Variants in PTPRD observed in about 807,000 individuals in gnomAD.
PTPRD encodes the protein protein tyrosine phosphatase receptor type D, also known as receptor-type tyrosine-protein phosphatase delta.
A neutral mutation model predicts 214.5 loss-of-function variants in PTPRD; 34 were observed. That is an observed-to-expected ratio of 0.16 (90% CI 0.12 to 0.21). The LOEUF (loss-of-function observed/expected upper bound fraction) is 0.21. Among genes scored for constraint, PTPRD ranks in the 10% least tolerant of loss-of-function variants. PTPRD has a pLI of 1.00. For synonymous variants in PTPRD, 1,128 were observed against 845.7 expected (o/e 1.33, Z -5.79); for missense variants, 2,545 against 2,398.7 (o/e 1.06, Z -1.27).
intron 9 of PTPRD, among the ~76,000 whole-genome samples, chr9:9,265,975 C>T (rs756062090): frequency 2.6e-5 from 4 of 151,218 alleles, no homozygotes; most frequent in Admixed American, 6.6e-5. Context: ...AATTATATGC[C>T]GTCTGTAAGA....
Position 8,818,966 on chromosome 9 carries a change from A to AC in PTPRD, c.-103-85021dup, listed in dbSNP as rs1198535521. 9.8e-5 allele frequency among the ~76,000 whole-genome samples: 15 copies of AC among 152,308 alleles called. No individual in the cohort carries two copies. In the East Asian group the frequency reaches 2.9e-3, roughly 29 times the overall value. On this transcript the variant is annotated intron_variant, in intron 11 of 45. Coordinates refer to ENST00000381196, the MANE Select transcript of PTPRD (RefSeq NM_002839.4). ...TAACTAACCAGGAAAACGACATAGC[A>AC]CTCTAGTCCACTACTAGTTGCAATG...
At chr9:8,479,789 T>C (rs1185039181) in intron 30 of PTPRD, among the ~76,000 whole-genome samples, 1 of 152,140 alleles carries the variant, frequency 6.6e-6, no homozygotes, top group Non-Finnish European at 1.5e-5. Context: ...ACTATACTAT[T>C]TTCCTCTTTC....
chr9:10,140,426 G>C (rs929716419), intron 3 of PTPRD, among the ~76,000 whole-genome samples: 5 of 151,670 alleles, frequency 3.3e-5, no homozygotes, highest in Non-Finnish European at 5.9e-5. Context: ...TATCACCACC[G>C]ATCCCACAGA....
intron 10 of PTPRD, among the ~76,000 whole-genome samples, chr9:9,161,388 C>T (rs1358778231): frequency 6.6e-6 from 1 of 152,020 alleles, no homozygotes; most frequent in Non-Finnish European, 1.5e-5. Context: ...TCTAACTCTT[C>T]TTTTTCATAT....
chr9:8,978,557 C>G (rs757811229), intron 11 of PTPRD, among the ~76,000 whole-genome samples: 2 of 152,084 alleles, frequency 1.3e-5, no homozygotes, highest in Non-Finnish European at 2.9e-5. Context: ...TCAGAGTTAG[C>G]TGGTGAAATG....
At chr9:9,873,620 T>C (rs2153720525) in intron 5 of PTPRD, among the ~76,000 whole-genome samples, 1 of 152,304 alleles carries the variant, frequency 6.6e-6, no homozygotes, top group Non-Finnish European at 1.5e-5. Context: ...GCCATGCCTA[T>C]AGTTATCTAA....
chr9:9,101,105 G>C (rs1266048575), intron 10 of PTPRD, among the ~76,000 whole-genome samples: 1 of 42,034 alleles, frequency 2.4e-5, no homozygotes, highest in Non-Finnish European at 8.4e-5. Flanking sequence ...GTAAAACAGA[G>C]AGAGAGAGAG....
chr9:9,930,473 G>C (rs1486624873), intron 5 of PTPRD, among the ~76,000 whole-genome samples: 3 of 152,094 alleles, frequency 2.0e-5, no homozygotes, highest in African/African-American at 7.2e-5. Context: ...TTGTATGTTT[G>C]AGTTTTCAAA....
At chr9:9,033,976 C>T (rs945336746) in intron 10 of PTPRD, among the ~76,000 whole-genome samples, 4 of 152,112 alleles carry the variant, frequency 2.6e-5, no homozygotes, top group African/African-American at 7.2e-5. Flanking sequence ...ATAAAAACTG[C>T]AGAACAGTGC....
chr9:9,109,679 CAAG>C (rs1428736498), intron 10 of PTPRD, among the ~76,000 whole-genome samples: 1 of 152,074 alleles, frequency 6.6e-6, no homozygotes, highest in African/African-American at 2.4e-5. Context: ...GAAATATTTG[CAAG>C]AAGGTTTGAG....
intron 9 of PTPRD, among the ~76,000 whole-genome samples, chr9:9,242,098 T>G (rs1483496241): frequency 2.6e-5 from 4 of 152,104 alleles, no homozygotes; most frequent in Non-Finnish European, 4.4e-5. Context: ...TCTCCTTCAC[T>G]TATGAAGCTT....
chr9:9,684,542 A>G (rs1288184514), intron 7 of PTPRD, among the ~76,000 whole-genome samples: 1 of 151,712 alleles, frequency 6.6e-6, no homozygotes. Flanking sequence ...TTTAGCTGGT[A>G]ATTGAGTAAT....
In PTPRD at chr9:9,601,153, G is replaced by GAGA. The variant is rs200355226; in HGVS notation, c.-286-26373_-286-26372insTCT. 1.2e-3 allele frequency among the ~76,000 whole-genome samples: 110 copies of GAGA among 94,090 alleles called. 1 individual carries two copies. The highest frequency in any genetic ancestry group is 4.1e-3 in the African/African-American group (109 of 26,410). The allele number at this position is 94,090 out of a possible 152,430, so 61.7% of individuals were successfully genotyped here. ...TGTGTGTGTGTGTGTGTGTGTGTAT[G>GAGA]GGGGGGGGAGAGTGGGGAGAGAGAG... is the stretch of plus-strand genomic sequence containing the variant. On this transcript the variant is annotated intron_variant, in intron 7 of 45. Transcript: ENST00000381196.
chr9:8,335,430 C>G (rs1228911440), intron 43 of PTPRD, among the ~76,000 whole-genome samples: 1 of 152,250 alleles, frequency 6.6e-6, no homozygotes, highest in South Asian at 2.1e-4. Flanking sequence ...AGGCCTTTGG[C>G]AAAATTCAAC....
intron 10 of PTPRD, among the ~76,000 whole-genome samples, chr9:9,120,913 C>T (rs1383076104): frequency 6.6e-6 from 1 of 152,178 alleles, no homozygotes; most frequent in African/African-American, 2.4e-5. Flanking sequence ...TAAGAACTAT[C>T]ACTTTCTCAT....
chr9:10,448,766 C>A (rs73390313), intron 2 of PTPRD, among the ~76,000 whole-genome samples: 1,550 of 152,062 alleles, frequency 0.01, 39 homozygotes, highest in African/African-American at 0.03. Context: ...TTCTCCCAGC[C>A]CAATGCTCTG....
At chr9:10,308,848 T>C (rs184854538) in intron 3 of PTPRD, among the ~76,000 whole-genome samples, 30 of 152,194 alleles carry the variant, frequency 2.0e-4, no homozygotes, top group African/African-American at 6.7e-4. Context: ...CAGAATTGTG[T>C]TAACCGGTTT....
rs35460717 is a variant in PTPRD at position 8,655,419 on chromosome 9, T to C, written c.65-18575A>G. Reference sequence around the variant, plus strand: ...TAAAAAGAGCAAAGCTGCAACAACATAATTTGTTTTTAAATTCACAGTGGT... The same window carrying C: ...TAAAAAGAGCAAAGCTGCAACAACACAATTTGTTTTTAAATTCACAGTGGT... On this transcript the variant is annotated intron_variant, in intron 12 of 45. Transcript: ENST00000381196. 6.2e-3 allele frequency among the ~76,000 whole-genome samples: 942 copies of C among 152,310 alleles called. 8 individuals are homozygous for C. Among genetic ancestry groups the C allele is most frequent in the Non-Finnish European group, 7.4e-3 (501 of 68,018 alleles).
intron 7 of PTPRD, among the ~76,000 whole-genome samples, chr9:9,655,398 CG>C (rs1302750483): frequency 6.6e-6 from 1 of 151,730 alleles, no homozygotes; most frequent in African/African-American, 2.4e-5. Flanking sequence ...GGTGAAACCC[CG>C]TCTGTACTAA....
Sources: allele counts gnomAD v4.1 joint callset (sites outside exome capture counted in the v4.1 genomes callset), GRCh38; gene constraint gnomAD v4.1.1; transcripts MANE v1.5; gene names NCBI Gene and HGNC (gene_info 2026-07-23, HGNC 2026-07-21).